Variants in THAP7 observed in about 807,000 individuals in gnomAD.
The protein encoded by THAP7 is THAP domain-containing protein 7.
A neutral mutation model predicts 29.2 loss-of-function variants in THAP7; 22 were observed. The observed-to-expected ratio is 0.75, with a 90% CI of 0.54 to 1.08. The LOEUF (loss-of-function observed/expected upper bound fraction) is 1.08, where lower values mean the gene tolerates loss of function less well. Among genes scored for constraint, THAP7 ranks in the 50% least tolerant of loss-of-function variants. THAP7 has a pLI of 0.00. For synonymous variants in THAP7, 208 were observed against 173.4 expected, an observed-to-expected ratio of 1.20 and a Z score of -1.57; for missense variants, 448 against 416.2, an observed-to-expected ratio of 1.08 and a Z score of -0.66.
chr22:20,999,694 G>C lies in THAP7; in HGVS notation c.*186C>G, dbSNP rs1043443575. On this transcript the variant is annotated 3_prime_UTR_variant, in exon 4 of 4. Coordinates refer to ENST00000215742, the MANE Select transcript of THAP7 (RefSeq NM_030573.3). ...AAAGAGCTTGGACTGAGCCCTCTAGGAGCTGCAGCCACTGTCTGGGGCAGC... is the reference window on the plus strand; with the variant it reads ...AAAGAGCTTGGACTGAGCCCTCTAGCAGCTGCAGCCACTGTCTGGGGCAGC... The C allele has an allele frequency of 4.4e-6, 3 of 675,962 alleles. No individual in the cohort carries two copies. The highest frequency in any genetic ancestry group is 3.0e-5 in the Admixed American group (1 of 33,792). The allele number at this position is 675,962 out of a possible 1,614,324, so 41.9% of individuals were successfully genotyped here.
chr22:21,000,986 G>A (rs1925131586), intron 2 of THAP7, 199 bp from the exon 3 acceptor site: 1 of 911,018 alleles, frequency 1.1e-6, no homozygotes, highest in Non-Finnish European at 1.6e-6. Flanking sequence ...TGCATAAGCC[G>A]AGCTGGGCTG....
At chr22:21,001,483 G>A in intron 1 of THAP7, 72 bp from the exon 2 acceptor site, 3 of 1,546,658 alleles carry the variant, frequency 1.9e-6, no homozygotes, top group South Asian at 1.2e-5. Flanking sequence ...GCACCCCAGA[G>A]GGGAAACGCA....
At chr22:21,001,490 C>T (rs1925163363) in intron 1 of THAP7, 79 bp from the exon 2 acceptor site, 1 of 1,533,922 alleles carries the variant, frequency 6.5e-7, no homozygotes, top group Admixed American at 2.0e-5. Flanking sequence ...AGAGGGGAAA[C>T]GCAGACCCAA....
Position 20,999,575 on chromosome 22 carries a change from C to T in THAP7, c.*305G>A. ...ACACCATCCTGCCCCTTCAGAGAAC[C>T]CTGTGGGGCACGGAGCTGCGCTAGC... On this transcript the variant is annotated 3_prime_UTR_variant, in exon 4 of 4. Transcript: ENST00000215742. The T allele has an allele frequency of 4.9e-6, 2 of 405,082 alleles. No homozygotes were observed. The highest frequency in any genetic ancestry group is 9.0e-6 in the Non-Finnish European group (2 of 222,146). The allele number at this position is 405,082 out of a possible 1,614,324, so 25.1% of individuals were successfully genotyped here. A position where few individuals can be genotyped will look rare whatever the true frequency, so the allele number is the denominator to read the frequency against.
chr22:21,002,086 G>T lies in THAP7; in HGVS notation c.-175C>A. On this transcript the variant is annotated 5_prime_UTR_variant, in exon 1 of 4. Coordinates refer to ENST00000215742, the MANE Select transcript of THAP7 (RefSeq NM_030573.3). ...CTTGACTTCTGTCAGCGGCACTCACGCTCTGGCCATTGCTGCGCCGCCGAA... is the reference window on the plus strand; with the variant it reads ...CTTGACTTCTGTCAGCGGCACTCACTCTCTGGCCATTGCTGCGCCGCCGAA... 1.6e-6 allele frequency: 1 copy of T among 615,886 alleles called. No individual in the cohort carries two copies. The highest frequency in any genetic ancestry group is 2.7e-6 in the Non-Finnish European group (1 of 370,516). The allele number at this position is 615,886 out of a possible 1,614,324, so 38.2% of individuals were successfully genotyped here.
At chr22:21,001,714 C>T in intron 1 of THAP7, 118 bp downstream of exon 1, 1 of 1,165,976 alleles carries the variant, frequency 8.6e-7, no homozygotes, top group Non-Finnish European at 1.2e-6. Context: ...CACCTCCCAC[C>T]CACAGGTTCA....
In THAP7 at chr22:21,000,077, C is replaced by T. The variant is rs746488268; in HGVS notation, c.733G>A (p.Glu245Lys). 5 of 1,612,822 alleles carry T rather than the reference C, an allele frequency of 3.1e-6. No individual in the cohort carries two copies. Among genetic ancestry groups the T allele is most frequent in the South Asian group, 1.1e-5 (1 of 91,072 alleles). ...GSALLWKRRA[E>K]AALDALDKAQ... ...TTGTCAAGGGCATCAAGGGCTGCCT[C>T]GGCTCGCCGCTTCCAGAGTAAGGCG... is the stretch of plus-strand genomic sequence containing the variant. The change falls in exon 4 of 4, where the codon GAG (glutamate) becomes AAG (lysine). Residue 245 changes from glutamate (E) to lysine (K), a missense_variant. Transcript: ENST00000215742.
rs1925035657 is a variant in THAP7 at position 20,999,785 on chromosome 22, C to T, written c.*95G>A. The T allele has an allele frequency of 2.8e-6, 4 of 1,433,128 alleles. No individual in the cohort carries two copies. The East Asian group carries it at 7.0e-5, about 25-fold the overall frequency. The allele number at this position is 1,433,128 out of a possible 1,614,324, so 88.8% of individuals were successfully genotyped here. A position where few individuals can be genotyped will look rare whatever the true frequency, so the allele number is the denominator to read the frequency against. On this transcript the variant is annotated 3_prime_UTR_variant, in exon 4 of 4. Transcript: ENST00000215742. ...AGACAGCAGGCCCTCCGTCTAGAATCCGCTTTATTATGGCACCTGGTGGGT... is the reference window on the plus strand; with the variant it reads ...AGACAGCAGGCCCTCCGTCTAGAATTCGCTTTATTATGGCACCTGGTGGGT...
chr22:21,001,095 AG>A, intron 2 of THAP7, 160 bp downstream of exon 2: 2 of 1,094,860 alleles, frequency 1.8e-6, no homozygotes, highest in South Asian at 3.1e-5. Context: ...CTTGTGTCAC[AG>A]GCACAGTGAT....
Position 21,001,316 on chromosome 22 carries a change from T to C in THAP7, c.176A>G (p.Glu59Gly). 6.2e-7 allele frequency: 1 copy of C among 1,614,094 alleles called. No individual in the cohort carries two copies. The highest frequency in any genetic ancestry group is 8.5e-7 in the Non-Finnish European group (1 of 1,180,006). The change falls in exon 2 of 4, where the codon GAG (glutamate) becomes GGG (glycine). Residue 59 changes from glutamate to glycine, a missense_variant. Physicochemically the swap from Glu to Gly is moderately conservative, Grantham distance 98. Coordinates refer to ENST00000215742, the MANE Select transcript of THAP7 (RefSeq NM_030573.3). ...SGQGLWDPASEYIYFCSKHFE... is the reference protein window; with the variant it reads ...SGQGLWDPASGYIYFCSKHFE... The stretch of plus-strand genomic sequence containing the variant: ...GTGTTTGGAGCAGAAGTAGATGTAC[T>C]CGGATGCCGGGTCCCACAGGCCCTG...
Position 20,999,814 on chromosome 22 carries a change from G to C in THAP7, c.*66C>G. 1.3e-6 allele frequency: 2 copies of C among 1,527,162 alleles called. No homozygotes were observed. Among genetic ancestry groups the C allele is most frequent in the Non-Finnish European group, 1.8e-6 (2 of 1,140,572 alleles). 94.6% of individuals were successfully genotyped at this position (1,527,162 alleles called of 1,614,324 possible). A position where few individuals can be genotyped will look rare whatever the true frequency, so the allele number is the denominator to read the frequency against. ...TTTATTATGGCACCTGGTGGGTCTG[G>C]TGGGATCTGAGGGAGGAAGAGGCTG... is the stretch of plus-strand genomic sequence containing the variant. On this transcript the variant is annotated 3_prime_UTR_variant, in exon 4 of 4. Coordinates refer to ENST00000215742, the MANE Select transcript of THAP7 (RefSeq NM_030573.3).
chr22:20,999,730 C>T lies in THAP7; in HGVS notation c.*150G>A. 2 of 916,394 alleles carry T rather than the reference C, an allele frequency of 2.2e-6. No individual in the cohort carries two copies. Among genetic ancestry groups the T allele is most frequent in the East Asian group, 2.7e-5 (1 of 37,724 alleles). 56.8% of individuals were successfully genotyped at this position (916,394 alleles called of 1,614,324 possible). A position where few individuals can be genotyped will look rare whatever the true frequency, so the allele number is the denominator to read the frequency against. On this transcript the variant is annotated 3_prime_UTR_variant, in exon 4 of 4. Transcript: ENST00000215742. Reference sequence around the variant, plus strand: ...ACTGTCTGGGGCAGCAAGCTTAGTACTCAGAGGGGCTCCAGCCCCCAGCTG... The same window carrying T: ...ACTGTCTGGGGCAGCAAGCTTAGTATTCAGAGGGGCTCCAGCCCCCAGCTG...
rs370872545 is a variant in THAP7 at position 21,000,156 on chromosome 22, C to T, written c.654G>A (p.Leu218=). The T allele has an allele frequency of 7.1e-5, 112 of 1,588,136 alleles. No homozygotes were observed. In the East Asian group the frequency reaches 2.2e-3, roughly 31 times the overall value. ...GGATGTAGGCTCCGGCGGGTGGGGGCAGGCGCAGCATATACGCTGAGGGGG... is the reference window on the plus strand; with the variant it reads ...GGATGTAGGCTCCGGCGGGTGGGGGTAGGCGCAGCATATACGCTGAGGGGG... The part of the protein sequence containing the change: ...PVSPSAYMLR[L]PPPAGAYIQN... The change falls in exon 4 of 4, where the codon CTG becomes CTA. Residue 218 remains leucine (L), a synonymous_variant. Transcript: ENST00000215742.
chr22:21,001,718 A>T, intron 1 of THAP7, 114 bp downstream of exon 1: 1 of 1,182,540 alleles, frequency 8.5e-7, no homozygotes. Context: ...TCCCACCCAC[A>T]GGTTCAAGCC....
At position 21,001,419 on chromosome 22, in the gene THAP7, G is replaced by T. The variant is rs774215845; in HGVS notation, c.81-8C>A. 6.2e-7 allele frequency: 1 copy of T among 1,613,056 alleles called. No homozygotes were observed. The highest frequency in any genetic ancestry group is 8.5e-7 in the Non-Finnish European group (1 of 1,179,874). On this transcript the variant is annotated splice_polypyrimidine_tract_variant and splice_region_variant and intron_variant, in intron 1 of 3. Transcript: ENST00000215742. ...TTGTCCTTCTTGGGAAGTCTGTGGA[G>T]CCACAAACCCGTGAGCACCAGGCTG...
At position 21,001,903 on chromosome 22, in the gene THAP7, A is replaced by T; in HGVS notation, c.9T>A (p.Arg3=). 6.4e-7 allele frequency: 1 copy of T among 1,569,338 alleles called. No individual in the cohort carries two copies. The highest frequency in any genetic ancestry group is 8.6e-7 in the Non-Finnish European group (1 of 1,158,768). Residue 3 remains arginine (R), a synonymous_variant, in exon 1 of 4, where the codon CGT becomes CGA. Coordinates refer to ENST00000215742, the MANE Select transcript of THAP7 (RefSeq NM_030573.3). ...TGCAGCAGCCGGCGGCGGAGCAGTGACGCGGCATCTGGGAAAGAGGCGGGA... is the reference window on the plus strand; with the variant it reads ...TGCAGCAGCCGGCGGCGGAGCAGTGTCGCGGCATCTGGGAAAGAGGCGGGA... The part of the protein sequence containing the change: MP[R]HCSAAGCCTR...
chr22:21,001,837 G>A lies in THAP7; in HGVS notation c.75C>T (p.Phe25=). 6.4e-7 allele frequency: 1 copy of A among 1,556,860 alleles called. No homozygotes were observed. Among genetic ancestry groups the A allele is most frequent in the Non-Finnish European group, 8.7e-7 (1 of 1,152,638 alleles). ...TRETRNRGIS[F]HRLPKKDNPR... ...CGCGGCGCACGCGCGCTGACCTGTGGAAGGAGATGCCGCGGTTGCGCGTCT... is the reference window on the plus strand; with the variant it reads ...CGCGGCGCACGCGCGCTGACCTGTGAAAGGAGATGCCGCGGTTGCGCGTCT... Residue 25 remains phenylalanine, a synonymous_variant, in exon 1 of 4, where the codon TTC becomes TTT. Transcript: ENST00000215742.
chr22:21,000,739 A>G lies in THAP7; in HGVS notation c.285T>C (p.Ser95=), dbSNP rs759118125. Residue 95 remains serine, a synonymous_variant, in exon 3 of 4, where the codon TCT becomes TCC. Transcript: ENST00000215742. The part of the protein sequence containing the change: ...KEGAVPTIFE[S]FSKLRRTTKT... ...TGGTTGTCCGGCGCAACTTGGAGAA[A>G]GACTCAAATATGGTGGGGACTGCCC... 8.1e-6 allele frequency: 13 copies of G among 1,614,072 alleles called. No homozygotes were observed. Among genetic ancestry groups the G allele is most frequent in the South Asian group, 5.5e-5 (5 of 91,088 alleles).
At position 21,002,070 on chromosome 22, in the gene THAP7, T is replaced by C. The variant is rs1187164503; in HGVS notation, c.-159A>G. The stretch of plus-strand genomic sequence containing the variant: ...CGTCCCAGCCGATTCTCTTGACTTC[T>C]GTCAGCGGCACTCACGCTCTGGCCA... On this transcript the variant is annotated 5_prime_UTR_variant, in exon 1 of 4. Transcript: ENST00000215742. The C allele has an allele frequency of 5.3e-5, 35 of 658,950 alleles. No individual in the cohort carries two copies. Among genetic ancestry groups the C allele is most frequent in the Middle Eastern group, 5.0e-4 (2 of 4,040 alleles). The allele number at this position is 658,950 out of a possible 1,614,324, so 40.8% of individuals were successfully genotyped here.
Sources: allele counts gnomAD v4.1 joint callset, GRCh38; gene constraint gnomAD v4.1.1; transcripts MANE v1.5; gene names NCBI Gene and HGNC (gene_info 2026-07-23, HGNC 2026-07-21).